Variants in NNT observed in about 807,000 individuals in gnomAD.
NNT encodes the protein nicotinamide nucleotide transhydrogenase.
In NNT, 50 loss-of-function variants were observed where a neutral mutation model predicts 104.8. The observed-to-expected ratio is 0.48, with a 90% CI of 0.38 to 0.60. NNT has a LOEUF of 0.60. Ranked by LOEUF, NNT falls within the 20% of genes least tolerant of loss-of-function variation. The probability of loss-of-function intolerance (pLI) is 0.00; values close to 1 mark genes in which losing one functional copy is unlikely to be tolerated. For missense variants in NNT, 1,131 were observed against 1,330.7 expected (o/e 0.85, Z 2.33); for synonymous variants, 461 against 490.4 (o/e 0.94, Z 0.79).
In NNT at chr5:43,656,825, G is replaced by C. The variant is rs1438723264; in HGVS notation, c.2454+12G>C. The C allele has an allele frequency of 2.5e-6, 4 of 1,604,018 alleles. No homozygotes were observed. The African/African-American group carries it at 4.0e-5, about 16-fold the overall frequency. ...TCTCTGCTGTCATGGTAAGAAGTCA[G>C]AGATTGAAAAGTACATATTTGGTGA... On this transcript the variant is annotated intron_variant, in intron 16 of 21. Coordinates refer to ENST00000344920, the MANE Select transcript of NNT (RefSeq NM_182977.3).
chr5:43,693,745 A>G (rs1351594184), intron 19 of NNT, among the ~76,000 whole-genome samples: 5 of 152,232 alleles, frequency 3.3e-5, no homozygotes, highest in Non-Finnish European at 7.3e-5. Flanking sequence ...TAGCTGTAAT[A>G]TTGCCAAAAG....
At chr5:43,667,025 G>A in intron 17 of NNT, 1 of 1,596,750 alleles carries the variant, frequency 6.3e-7, no homozygotes, top group Non-Finnish European at 8.5e-7. Flanking sequence ...TTGATAGCCT[G>A]GGCACGTGCA....
chr5:43,616,139 T>C, intron 4 of NNT, 74 bp downstream of exon 4: 1 of 1,160,310 alleles, frequency 8.6e-7, no homozygotes, highest in South Asian at 1.5e-5. Context: ...AGCTCTTCTG[T>C]CTTACAGTGA....
chr5:43,608,997 C>A, intron 1 of NNT, 146 bp from the exon 2 acceptor site: 1 of 424,872 alleles, frequency 2.4e-6, no homozygotes. Flanking sequence ...AAGTAAGGAA[C>A]TTGGCAAATA....
intron 4 of NNT, among the ~76,000 whole-genome samples, chr5:43,616,600 G>T (rs7737947): frequency 0.11 from 16,283 of 152,166 alleles, 1,073 homozygotes; most frequent in African/African-American, 0.18. Flanking sequence ...CTATGTCTTC[G>T]ACCTTTAAGG....
At chr5:43,606,664 C>T (rs1162850486) in intron 1 of NNT, among the ~76,000 whole-genome samples, 1 of 152,190 alleles carries the variant, frequency 6.6e-6, no homozygotes, top group Non-Finnish European at 1.5e-5. Flanking sequence ...TCTCAAACGG[C>T]TTTCCCTTCC....
rs1485810797 is a variant in NNT at position 43,645,988 on chromosome 5, C to T, written c.1444+478C>T. Among the ~76,000 whole-genome samples, 3 of 151,966 alleles carry T rather than the reference C, an allele frequency of 2.0e-5. No homozygotes were observed. In the East Asian group the frequency reaches 5.8e-4, roughly 29 times the overall value. ...TCAGCCTCCCAAAGTGCTGAGATTA[C>T]AGGCGTGAGCCACTGCACCCGGCCT... On this transcript the variant is annotated intron_variant, in intron 10 of 21. Coordinates refer to ENST00000344920, the MANE Select transcript of NNT (RefSeq NM_182977.3).
chr5:43,613,196 T>C lies in NNT; in HGVS notation c.381+59T>C, dbSNP rs953779116. The C allele has an allele frequency of 9.7e-6, 13 of 1,342,560 alleles. No individual in the cohort carries two copies. In the African/African-American group the frequency reaches 1.3e-4, roughly 14 times the overall value. The allele number at this position is 1,342,560 out of a possible 1,614,324, so 83.2% of individuals were successfully genotyped here. A position where few individuals can be genotyped will look rare whatever the true frequency, so the allele number is the denominator to read the frequency against. ...ATGCTGACTTTTTGAAATCTTTTCA[T>C]AGAAAAATTAAATTACTTTATCTGG... On this transcript the variant is annotated intron_variant, in intron 3 of 21. Transcript: ENST00000344920.
chr5:43,648,261 G>A, intron 10 of NNT: 4 of 1,021,344 alleles, frequency 3.9e-6, no homozygotes, highest in African/African-American at 1.7e-5. Flanking sequence ...TATTCCAGTG[G>A]TGCCACTTCC....
rs1026047339 is a variant in NNT, at chr5:43,706,382, T to G, written c.*1978T>G. On this transcript the variant is annotated 3_prime_UTR_variant, in exon 22 of 22. Coordinates refer to ENST00000344920, the MANE Select transcript of NNT (RefSeq NM_182977.3). The stretch of plus-strand genomic sequence containing the variant: ...ATACAATTGGTAGATATGACTTATT[T>G]TATTTTTGTATTATTCACTATATCT... 6 of 151,900 alleles carry G rather than the reference T, an allele frequency of 3.9e-5. No individual in the cohort carries two copies. The highest frequency in any genetic ancestry group is 1.4e-4 in the African/African-American group (6 of 41,448). The allele number at this position is 151,900 out of a possible 1,614,324, so 9.4% of individuals were successfully genotyped here.
rs562797953 is a variant in NNT at position 43,611,470 on chromosome 5, G to C, written c.152-1438G>C. Among the ~76,000 whole-genome samples, 4 of 152,288 alleles carry C rather than the reference G, an allele frequency of 2.6e-5. No individual in the cohort carries two copies. The South Asian group carries it at 8.3e-4, about 32-fold the overall frequency. ...AGAGCCTGACAATTTGAGGTTGTCAGCTAAGTGAACTTGAGATGAGTGTAT... is the reference window on the plus strand; with the variant it reads ...AGAGCCTGACAATTTGAGGTTGTCACCTAAGTGAACTTGAGATGAGTGTAT... On this transcript the variant is annotated intron_variant, in intron 2 of 21. Transcript: ENST00000344920.
intron 7 of NNT, among the ~76,000 whole-genome samples, chr5:43,638,281 C>A (rs901424332): frequency 6.6e-6 from 1 of 152,050 alleles, no homozygotes; most frequent in Non-Finnish European, 1.5e-5. Context: ...TTTATAGCAG[C>A]GTGAGATCAG....
intron 19 of NNT, among the ~76,000 whole-genome samples, chr5:43,684,005 C>T (rs572124636): frequency 6.6e-5 from 10 of 152,066 alleles, no homozygotes; most frequent in Admixed American, 2.0e-4. Flanking sequence ...TAGAGGACTG[C>T]GTTGATGTTT....
intron 7 of NNT, among the ~76,000 whole-genome samples, chr5:43,640,840 TAC>T (rs1488899681): frequency 6.6e-6 from 1 of 150,730 alleles, no homozygotes; most frequent in East Asian, 1.9e-4. Flanking sequence ...ATATAATATA[TAC>T]ATTTTCATAT....
At position 43,706,630 on chromosome 5, in the gene NNT, C is replaced by T. The variant is rs989922099; in HGVS notation, c.*2226C>T. The T allele has an allele frequency of 6.6e-6, 1 of 151,980 alleles. No individual in the cohort carries two copies. The highest frequency in any genetic ancestry group is 1.5e-5 in the Non-Finnish European group (1 of 68,002). 9.4% of individuals were successfully genotyped at this position (151,980 alleles called of 1,614,324 possible). A position where few individuals can be genotyped will look rare whatever the true frequency, so the allele number is the denominator to read the frequency against. ...TAAATCCCATTACTGGGTATATACC[C>T]AAAGGATTATAAATCATGCTGCTAT... On this transcript the variant is annotated 3_prime_UTR_variant, in exon 22 of 22. Coordinates refer to ENST00000344920, the MANE Select transcript of NNT (RefSeq NM_182977.3).
chr5:43,629,347 A>G (rs1363300623), intron 7 of NNT, among the ~76,000 whole-genome samples: 1 of 152,092 alleles, frequency 6.6e-6, no homozygotes, highest in Non-Finnish European at 1.5e-5. Flanking sequence ...GTGTGTGTAT[A>G]TATGTATATG....
intron 19 of NNT, among the ~76,000 whole-genome samples, chr5:43,689,132 A>T (rs558553197): frequency 2.0e-5 from 3 of 152,302 alleles, no homozygotes; most frequent in Admixed American, 6.5e-5. Flanking sequence ...TTCCTTGATA[A>T]TTAGTGATAT....
intron 20 of NNT, among the ~76,000 whole-genome samples, chr5:43,701,193 A>C (rs1742832538): frequency 6.6e-6 from 1 of 152,040 alleles, no homozygotes; most frequent in Non-Finnish European, 1.5e-5. Context: ...GGAGGTAGTG[A>C]GCATAGTACC....
At chr5:43,688,023 T>A in intron 19 of NNT, among the ~76,000 whole-genome samples, 1 of 152,186 alleles carries the variant, frequency 6.6e-6, no homozygotes, top group East Asian at 1.9e-4. Flanking sequence ...ATATATTGGG[T>A]TATTTAGCTA....
Sources: gnomAD v4.1 joint callset for allele counts (sites outside exome capture counted in the v4.1 genomes callset) on GRCh38, gnomAD v4.1.1 for gene constraint, MANE v1.5 for transcripts, NCBI Gene and HGNC (gene_info 2026-07-23, HGNC 2026-07-21) for gene names.